PPFIA2: variants seen among roughly 807,000 people sequenced by gnomAD.
PPFIA2 encodes the protein PPFI scaffold protein A2, also known as liprin-alpha-2.
A neutral mutation model predicts 175.5 loss-of-function variants in PPFIA2; 46 were observed. The observed-to-expected ratio is 0.26, with a 90% confidence interval of 0.21 to 0.34. PPFIA2 has a LOEUF of 0.34. PPFIA2 is among the 10% of genes least tolerant of loss of function. The pLI is 1.00. For missense variants in PPFIA2, 1,179 were observed against 1,506.1 expected (o/e 0.78, Z 3.60); for synonymous variants, 568 against 511.4 (o/e 1.11, Z -1.49).
chr12:81,698,152 G>C (rs937482718), intron 3 of PPFIA2, among the ~76,000 whole-genome samples: 1 of 152,050 alleles, frequency 6.6e-6, no homozygotes, highest in African/African-American at 2.4e-5. Flanking sequence ...GAAAAACTTT[G>C]TTTCTAAGAA....
At chr12:81,621,345 A>G (rs189593251) in intron 4 of PPFIA2, among the ~76,000 whole-genome samples, 12 of 152,344 alleles carry the variant, frequency 7.9e-5, no homozygotes, top group Admixed American at 5.9e-4. Context: ...CAGAGATATA[A>G]CAAGAATCCA....
intron 4 of PPFIA2, among the ~76,000 whole-genome samples, chr12:81,510,026 C>A (rs753459343): frequency 9.9e-5 from 15 of 152,118 alleles, no homozygotes; most frequent in Admixed American, 2.6e-4. Flanking sequence ...CTATGCTTCA[C>A]GTTTTGGTTT....
chr12:81,403,950 T>C (rs535508060), intron 8 of PPFIA2, among the ~76,000 whole-genome samples: 1 of 152,240 alleles, frequency 6.6e-6, no homozygotes, highest in Non-Finnish European at 1.5e-5. Context: ...AGCTGTACTT[T>C]ATCTCCTCTT....
At chr12:81,722,163 T>C (rs930768618) in intron 3 of PPFIA2, among the ~76,000 whole-genome samples, 1 of 151,082 alleles carries the variant, frequency 6.6e-6, no homozygotes, top group African/African-American at 2.4e-5. Context: ...ATAAAGTAGA[T>C]ATAACCTAGG....
chr12:81,573,161 T>A (rs550172201), intron 4 of PPFIA2, among the ~76,000 whole-genome samples: 1 of 152,034 alleles, frequency 6.6e-6, no homozygotes, highest in Admixed American at 6.6e-5. Context: ...TGTTGCAGAT[T>A]AATTGGCAGA....
chr12:81,435,305 A>G (rs1185209722), intron 7 of PPFIA2, among the ~76,000 whole-genome samples: 1 of 152,228 alleles, frequency 6.6e-6, no homozygotes, highest in African/African-American at 2.4e-5. Flanking sequence ...GGAAATTTGT[A>G]GGAGAGAATA....
intron 3 of PPFIA2, among the ~76,000 whole-genome samples, chr12:81,744,424 T>C (rs987802969): frequency 4.0e-5 from 6 of 149,688 alleles, no homozygotes; most frequent in South Asian, 2.1e-4. Flanking sequence ...TGCTTTCTTT[T>C]TTTTTTTTTT....
chr12:81,440,171 C>A (rs750732850), intron 6 of PPFIA2, 125 bp from the exon 7 acceptor site: 8 of 573,256 alleles, frequency 1.4e-5, no homozygotes, highest in African/African-American at 1.2e-4. Flanking sequence ...TATATCCCTG[C>A]GTGCTCAGAA....
chr12:81,588,821 T>C (rs1011023297), intron 4 of PPFIA2, among the ~76,000 whole-genome samples: 39 of 152,122 alleles, frequency 2.6e-4, no homozygotes, highest in Admixed American at 6.6e-4. Flanking sequence ...AGCTGCTTTA[T>C]TGGGCTCTTT....
intron 4 of PPFIA2, among the ~76,000 whole-genome samples, chr12:81,542,095 G>A (rs2066313690): frequency 6.6e-6 from 1 of 152,070 alleles, no homozygotes; most frequent in Admixed American, 6.6e-5. Flanking sequence ...GGCAAAATAT[G>A]TGATTTAACT....
At chr12:81,528,327 A>G (rs183452816) in intron 4 of PPFIA2, among the ~76,000 whole-genome samples, 3 of 152,218 alleles carry the variant, frequency 2.0e-5, no homozygotes, top group Admixed American at 6.6e-5. Context: ...ATGATTAGGT[A>G]AAATGCACAG....
At chr12:81,308,246 A>C (rs1054305696) in intron 22 of PPFIA2, among the ~76,000 whole-genome samples, 2 of 152,198 alleles carry the variant, frequency 1.3e-5, no homozygotes, top group South Asian at 2.1e-4. Context: ...GATGCAGACA[A>C]ATTAGGCTTT....
chr12:81,408,604 A>G (rs2043342363), intron 7 of PPFIA2, among the ~76,000 whole-genome samples: 1 of 152,198 alleles, frequency 6.6e-6, no homozygotes, highest in Non-Finnish European at 1.5e-5. Context: ...TAATGTCCCT[A>G]TTAAAAAATA....
chr12:81,326,257 T>C (rs2054736353), intron 21 of PPFIA2, among the ~76,000 whole-genome samples: 1 of 152,140 alleles, frequency 6.6e-6, no homozygotes. Context: ...CGTTAAGTAT[T>C]TGCAATATTT....
intron 22 of PPFIA2, among the ~76,000 whole-genome samples, chr12:81,310,057 T>C (rs939736352): frequency 5.9e-5 from 9 of 152,142 alleles, no homozygotes; most frequent in African/African-American, 1.4e-4. Context: ...TCAGGTTATA[T>C]GAATACCACT....
chr12:81,493,410 T>A (rs1446938521), intron 4 of PPFIA2, among the ~76,000 whole-genome samples: 2 of 151,566 alleles, frequency 1.3e-5, no homozygotes, highest in African/African-American at 4.8e-5. Context: ...ACTGAGAGAG[T>A]GGCTATTACA....
At chr12:81,524,610 T>C (rs2063529092) in intron 4 of PPFIA2, among the ~76,000 whole-genome samples, 1 of 152,228 alleles carries the variant, frequency 6.6e-6, no homozygotes, top group African/African-American at 2.4e-5. Flanking sequence ...GAATGAATTG[T>C]ATCTTGAGTC....
At chr12:81,439,886 C>T in intron 7 of PPFIA2, 86 bp downstream of exon 7, 1 of 1,076,612 alleles carries the variant, frequency 9.3e-7, no homozygotes, top group Middle Eastern at 2.0e-4. Context: ...TTTTTTGTGA[C>T]AGTTATAATA....
At chr12:81,520,852 A>G (rs966997676) in intron 4 of PPFIA2, among the ~76,000 whole-genome samples, 1 of 152,152 alleles carries the variant, frequency 6.6e-6, no homozygotes, top group East Asian at 1.9e-4. Context: ...GGAGAGAGAG[A>G]GTAAGTAGGC....
Sources: gnomAD v4.1 joint callset for allele counts (sites outside exome capture counted in the v4.1 genomes callset) on GRCh38, gnomAD v4.1.1 for gene constraint, MANE v1.5 for transcripts, NCBI Gene and HGNC (gene_info 2026-07-23, HGNC 2026-07-21) for gene names.